Variants in NRG1 observed in about 807,000 individuals in gnomAD.
The protein encoded by NRG1 is neuregulin 1, also known as pro-neuregulin-1, membrane-bound isoform.
A neutral mutation model predicts 63.8 loss-of-function variants in NRG1; 18 were observed. The observed-to-expected ratio is 0.28, with a 90% CI of 0.19 to 0.42. The LOEUF is 0.42. Ranked by LOEUF, NRG1 falls within the 10% of genes least tolerant of loss-of-function variation. NRG1 has a pLI of 1.00. For missense variants in NRG1, 762 were observed against 814.7 expected, an observed-to-expected ratio of 0.94 and a Z score of 0.79; for synonymous variants, 302 against 301.3, an observed-to-expected ratio of 1.00 and a Z score of -0.02.
At chr8:31,813,862 A>G (rs1260121008) in intron 1 of NRG1, among the ~76,000 whole-genome samples, 1 of 152,062 alleles carries the variant, frequency 6.6e-6, no homozygotes, top group Non-Finnish European at 1.5e-5. Flanking sequence ...ACTTTATTCC[A>G]TTTAACTCTC....
At chr8:32,350,143 C>T (rs1410169180) in intron 1 of NRG1, among the ~76,000 whole-genome samples, 1 of 152,122 alleles carries the variant, frequency 6.6e-6, no homozygotes, top group South Asian at 2.1e-4. Flanking sequence ...GAGCACCCTC[C>T]TATCTTCTTT....
chr8:31,856,890 C>T (rs1585296980), intron 1 of NRG1, among the ~76,000 whole-genome samples: 1 of 152,204 alleles, frequency 6.6e-6, no homozygotes, highest in Admixed American at 6.5e-5. Flanking sequence ...TGTCAGTCTG[C>T]CCCTGCTGGG....
chr8:31,861,908 G>A (rs1230674124), intron 1 of NRG1, among the ~76,000 whole-genome samples: 2 of 151,730 alleles, frequency 1.3e-5, no homozygotes, highest in Non-Finnish European at 2.9e-5. Context: ...TGAAATGGGT[G>A]AAAAAAAATC....
intron 1 of NRG1, among the ~76,000 whole-genome samples, chr8:32,198,371 T>C (rs539620203): frequency 6.6e-6 from 1 of 152,132 alleles, no homozygotes; most frequent in African/African-American, 2.4e-5. Context: ...TGAGACAGGG[T>C]TTCGCCATGT....
At chr8:31,783,271 C>T (rs1819862440) in intron 1 of NRG1, among the ~76,000 whole-genome samples, 1 of 152,112 alleles carries the variant, frequency 6.6e-6, no homozygotes. Flanking sequence ...AGTGACAAAA[C>T]CAACACATAT....
intron 1 of NRG1, among the ~76,000 whole-genome samples, chr8:32,284,756 C>A (rs1007905537): frequency 2.0e-5 from 3 of 152,064 alleles, no homozygotes; most frequent in Admixed American, 6.6e-5. Flanking sequence ...ACTATATTGC[C>A]CAGGCTGGTC....
intron 1 of NRG1, among the ~76,000 whole-genome samples, chr8:31,930,090 G>A (rs1367748849): frequency 6.6e-6 from 1 of 152,124 alleles, no homozygotes; most frequent in Non-Finnish European, 1.5e-5. Context: ...GAGTTCAAGT[G>A]GAGGTTCCTG....
intron 1 of NRG1, among the ~76,000 whole-genome samples, chr8:31,809,789 TGGAG>T (rs1218986505): frequency 6.8e-6 from 1 of 146,422 alleles, no homozygotes; most frequent in African/African-American, 2.6e-5. Flanking sequence ...TTGTTTGCAT[TGGAG>T]TAGCATATAC....
chr8:32,655,332 C>G (rs966294609), intron 5 of NRG1, among the ~76,000 whole-genome samples: 14 of 152,174 alleles, frequency 9.2e-5, no homozygotes, highest in Non-Finnish European at 1.6e-4. Context: ...AATACCAGCT[C>G]TACCTCTTGC....
At chr8:31,772,844 C>G (rs1818763064) in intron 1 of NRG1, among the ~76,000 whole-genome samples, 1 of 152,178 alleles carries the variant, frequency 6.6e-6, no homozygotes, top group Non-Finnish European at 1.5e-5. Flanking sequence ...ACCAAACAAG[C>G]CACCTTAATT....
At chr8:32,365,869 G>A (rs36086517) in intron 1 of NRG1, among the ~76,000 whole-genome samples, 3,754 of 152,232 alleles carry the variant, frequency 0.025, 143 homozygotes, top group African/African-American at 0.086. Flanking sequence ...TTTCCCCATT[G>A]ATATGTCTTG....
chr8:32,770,919 T>A (rs1831742663), downstream of NRG1, among the ~76,000 whole-genome samples: 1 of 152,196 alleles, frequency 6.6e-6, no homozygotes, highest in Non-Finnish European at 1.5e-5. Context: ...AGTTTTGGAA[T>A]CTAGGTTTCT....
chr8:31,719,429 G>T (rs1054456373), intron 1 of NRG1, among the ~76,000 whole-genome samples: 3 of 152,090 alleles, frequency 2.0e-5, no homozygotes, highest in African/African-American at 7.2e-5. Context: ...GTCTTCATTT[G>T]TTTTTTAAAA....
intron 5 of NRG1, among the ~76,000 whole-genome samples, chr8:32,693,240 A>T (rs1454859221): frequency 6.9e-6 from 1 of 145,198 alleles, no homozygotes. Context: ...TTCTTTTGAG[A>T]CAGAGTCTCG....
chr8:32,262,295 C>T lies in NRG1; in HGVS notation c.38-333533C>T, dbSNP rs147631050. ...AGGACTGCTTGCTACTAAGAATTTC[C>T]AACACAACCTCCAATTAAATAGTTC... On this transcript the variant is annotated intron_variant, in intron 1 of 10. Transcript: ENST00000519301. Among the ~76,000 whole-genome samples the T allele has an allele frequency of 3.3e-5, 5 of 152,224 alleles. No homozygotes were observed. The East Asian group carries it at 7.7e-4, about 24-fold the overall frequency.
intron 1 of NRG1, among the ~76,000 whole-genome samples, chr8:31,894,163 G>GA (rs1170820615): frequency 6.6e-6 from 1 of 152,074 alleles, no homozygotes; most frequent in South Asian, 2.1e-4. Flanking sequence ...TGTATATGGG[G>GA]AAAAAAGGCT....
intron 1 of NRG1, among the ~76,000 whole-genome samples, chr8:32,396,059 T>G (rs902849761): frequency 1.3e-5 from 2 of 152,220 alleles, no homozygotes; most frequent in African/African-American, 2.4e-5. Flanking sequence ...TTCTGGTATC[T>G]CTATTCTGTT....
chr8:31,986,944 T>C (rs1192940558), intron 1 of NRG1, among the ~76,000 whole-genome samples: 1 of 152,142 alleles, frequency 6.6e-6, no homozygotes, highest in Admixed American at 6.5e-5. Context: ...AGTAGAGTGC[T>C]ATAATGTGAC....
chr8:31,855,138 C>T (rs548720160), intron 1 of NRG1, among the ~76,000 whole-genome samples: 2 of 152,138 alleles, frequency 1.3e-5, no homozygotes, highest in East Asian at 1.9e-4. Context: ...CTGCTTGGTG[C>T]AGAGCTGAGT....
Sources: gnomAD v4.1 joint callset for allele counts (sites outside exome capture counted in the v4.1 genomes callset) on GRCh38, gnomAD v4.1.1 for gene constraint, MANE v1.5 for transcripts, NCBI Gene and HGNC (gene_info 2026-07-23, HGNC 2026-07-21) for gene names.